Variants in NBAS observed in about 807,000 individuals in gnomAD.
NBAS encodes NBAS subunit of NRZ tethering complex.
Under a neutral mutation model 302.5 loss-of-function variants are expected in NBAS, and 219 were observed. That is an observed-to-expected ratio of 0.72 (90% CI 0.65 to 0.81). The LOEUF is 0.81. NBAS is among the 30% of genes least tolerant of loss of function. NBAS has a pLI of 0.00. For missense variants in NBAS, 2,932 were observed against 2,841.6 expected (o/e 1.03, Z -0.72); for synonymous variants, 1,118 against 1,021.6 (o/e 1.09, Z -1.80).
intron 47 of NBAS, among the ~76,000 whole-genome samples, chr2:15,220,986 A>T (rs1312297594): frequency 6.6e-6 from 1 of 152,232 alleles, no homozygotes; most frequent in Non-Finnish European, 1.5e-5. Context: ...TGTATTTAAG[A>T]ATAAGTGAAA....
At chr2:15,277,200 C>T (rs1669625995) in intron 42 of NBAS, 99 bp from the exon 43 acceptor site, 1 of 1,429,778 alleles carries the variant, frequency 7.0e-7, no homozygotes, top group African/African-American at 1.4e-5. Flanking sequence ...TTATAGCTCC[C>T]TTCTTCCTGC....
At chr2:15,235,482 AAC>A (rs1169091731) in intron 45 of NBAS, among the ~76,000 whole-genome samples, 1 of 152,224 alleles carries the variant, frequency 6.6e-6, no homozygotes, top group Non-Finnish European at 1.5e-5. Context: ...TAATGATAAT[AAC>A]AGTTTCCAGA....
chr2:15,010,147 G>T, the NBAS span, among the ~76,000 whole-genome samples: 1 of 152,204 alleles, frequency 6.6e-6, no homozygotes, highest in Admixed American at 6.5e-5. Context: ...CATGTCCATT[G>T]CTCAGAAGGC....
At chr2:15,365,664 C>T (rs1674162469) in intron 32 of NBAS, among the ~76,000 whole-genome samples, 1 of 152,114 alleles carries the variant, frequency 6.6e-6, no homozygotes, top group Non-Finnish European at 1.5e-5. Flanking sequence ...GATGCTGATG[C>T]TATACCTTCA....
the NBAS span, among the ~76,000 whole-genome samples, chr2:15,127,275 T>C: frequency 1.3e-5 from 2 of 151,684 alleles, no homozygotes; most frequent in African/African-American, 4.8e-5. Flanking sequence ...AAAATCTCAC[T>C]GACTTAGATT....
intron 12 of NBAS, among the ~76,000 whole-genome samples, chr2:15,479,208 C>T (rs1346520438): frequency 6.6e-6 from 1 of 152,020 alleles, no homozygotes; most frequent in Admixed American, 6.6e-5. Flanking sequence ...CGGTCTTAAA[C>T]TTAATCAGAA....
At chr2:15,419,992 A>G (rs1677134439) in intron 23 of NBAS, among the ~76,000 whole-genome samples, 1 of 152,146 alleles carries the variant, frequency 6.6e-6, no homozygotes, top group African/African-American at 2.4e-5. Context: ...GATTACAGGC[A>G]TAAGTCACCA....
intron 38 of NBAS, among the ~76,000 whole-genome samples, chr2:15,324,418 T>C (rs1671968721): frequency 6.6e-6 from 1 of 152,206 alleles, no homozygotes; most frequent in South Asian, 2.1e-4. Flanking sequence ...TCTTTGCCTC[T>C]ATGAATTTTA....
intron 28 of NBAS, among the ~76,000 whole-genome samples, chr2:15,384,524 A>ACCC (rs5829504): frequency 1.4e-4 from 21 of 146,914 alleles, no homozygotes; most frequent in African/African-American, 5.3e-4. Flanking sequence ...ATATGAAAAG[A>ACCC]CCCCCCCCCC....
the NBAS span, among the ~76,000 whole-genome samples, chr2:14,865,228 T>G: frequency 6.6e-6 from 1 of 152,114 alleles, no homozygotes; most frequent in Non-Finnish European, 1.5e-5. Flanking sequence ...CTCTAACTTC[T>G]TTCCCCATCA....
At position 15,461,208 on chromosome 2, in the gene NBAS, C is replaced by T. The variant is rs756325406; in HGVS notation, c.2332G>A (p.Glu778Lys). 3.1e-6 allele frequency: 5 copies of T among 1,613,552 alleles called. No individual in the cohort carries two copies. The highest frequency in any genetic ancestry group is 1.7e-4 in the Middle Eastern group (1 of 6,056). The change falls in exon 21 of 52, where the codon GAA becomes AAA. Residue 778 changes from glutamate to lysine, a missense_variant. By Grantham distance (56) the Glu-to-Lys change is moderately conservative. Transcript: ENST00000281513. ...GTTAACATAGTCACATACCAAGCTT[C>T]GGGCAGCAAAACAGAATATTCATGT... The part of the protein sequence containing the change: ...SPHEYSVLLP[E>K]ACFNGDSLMI...
intron 35 of NBAS, among the ~76,000 whole-genome samples, chr2:15,335,951 G>A (rs1019246150): frequency 1.3e-5 from 2 of 151,896 alleles, no homozygotes; most frequent in African/African-American, 2.4e-5. Context: ...AAAAAATTAC[G>A]CAGGCATTGT....
intron 44 of NBAS, among the ~76,000 whole-genome samples, chr2:15,261,451 T>A (rs1668848981): frequency 6.6e-6 from 1 of 152,262 alleles, no homozygotes; most frequent in Non-Finnish European, 1.5e-5. Flanking sequence ...GTCACATTCA[T>A]TTATACACTT....
chr2:15,204,777 C>T (rs532348505), intron 48 of NBAS, among the ~76,000 whole-genome samples: 13 of 152,192 alleles, frequency 8.5e-5, no homozygotes, highest in Admixed American at 3.9e-4. Context: ...CCAAACACCG[C>T]GTGTTCTCAC....
chr2:15,033,984 G>GGAAGAAGAGGAAGAA, the NBAS span, among the ~76,000 whole-genome samples: 3 of 56,318 alleles, frequency 5.3e-5, no homozygotes, highest in Admixed American at 3.0e-4. Context: ...AAGAGGAAGA[G>GGAAGAAGAGGAAGAA]GAAGAAGAAG....
chr2:15,438,483 T>A (rs73200628), intron 21 of NBAS, among the ~76,000 whole-genome samples: 1 of 151,974 alleles, frequency 6.6e-6, no homozygotes, highest in Non-Finnish European at 1.5e-5. Flanking sequence ...CAGTAATGAA[T>A]CTCTTGAATT....
the NBAS span, among the ~76,000 whole-genome samples, chr2:15,093,920 G>A: frequency 2.0e-5 from 3 of 152,112 alleles, no homozygotes; most frequent in South Asian, 2.1e-4. Flanking sequence ...TTTTTAATGG[G>A]TGATTCTCAT....
chr2:15,098,810 T>C, the NBAS span, among the ~76,000 whole-genome samples: 7 of 149,496 alleles, frequency 4.7e-5, no homozygotes, highest in African/African-American at 1.5e-4. Context: ...TATTGAAATA[T>C]AGCATCACTC....
chr2:14,925,312 C>G, the NBAS span, among the ~76,000 whole-genome samples: 4 of 152,156 alleles, frequency 2.6e-5, no homozygotes, highest in Non-Finnish European at 4.4e-5. Flanking sequence ...TGCCTTAGCT[C>G]TTTTTCCCGC....
Sources: gnomAD v4.1 joint callset for allele counts (sites outside exome capture counted in the v4.1 genomes callset) on GRCh38, gnomAD v4.1.1 for gene constraint, MANE v1.5 for transcripts, NCBI Gene and HGNC (gene_info 2026-07-23, HGNC 2026-07-21) for gene names.